RUNX3: variants seen among roughly 807,000 people sequenced by gnomAD.
RUNX3 encodes the protein RUNX family transcription factor 3, also known as runt-related transcription factor 3.
Under a neutral mutation model 27.7 loss-of-function variants are expected in RUNX3, and 10 were observed. The ratio of observed to expected loss-of-function variants is 0.36; its 90% CI spans 0.22 to 0.61. RUNX3 has a LOEUF of 0.61. Ranked by LOEUF, RUNX3 falls within the 20% of genes least tolerant of loss-of-function variation. RUNX3 has a pLI of 0.72. For synonymous variants in RUNX3, 270 were observed against 269.2 expected (o/e 1.00, Z -0.03); for missense variants, 469 against 629.5 (o/e 0.75, Z 2.73).
chr1:24,937,319 A>G (rs1342887532), intron 2 of RUNX3, among the ~76,000 whole-genome samples: 1 of 152,238 alleles, frequency 6.6e-6, no homozygotes, highest in Non-Finnish European at 1.5e-5. Flanking sequence ...TACTTGCTCA[A>G]CAAAGGTCCT....
chr1:24,946,511 G>C (rs546425590), intron 2 of RUNX3, among the ~76,000 whole-genome samples: 3 of 152,040 alleles, frequency 2.0e-5, no homozygotes, highest in African/African-American at 7.2e-5. Flanking sequence ...AAGCCTCCCT[G>C]ATGGCAGGGG....
At chr1:24,963,275 T>A (rs1054080943) in intron 2 of RUNX3, among the ~76,000 whole-genome samples, 2 of 152,120 alleles carry the variant, frequency 1.3e-5, no homozygotes, top group African/African-American at 4.8e-5. Context: ...TGTGTCTGGG[T>A]CCCTGCCCCG....
intron 2 of RUNX3, among the ~76,000 whole-genome samples, chr1:24,936,254 C>T (rs1427174107): frequency 2.0e-5 from 3 of 152,150 alleles, no homozygotes; most frequent in East Asian, 1.9e-4. Context: ...TAGGGAGTAG[C>T]GACAGTTATC....
chr1:24,958,734 C>T (rs970101578), intron 2 of RUNX3, among the ~76,000 whole-genome samples: 8 of 152,152 alleles, frequency 5.3e-5, no homozygotes, highest in Non-Finnish European at 1.5e-5. Context: ...GGGAACTACT[C>T]GCTGAGTCTC....
intron 2 of RUNX3, among the ~76,000 whole-genome samples, chr1:24,939,113 A>G (rs967668266): frequency 6.6e-6 from 1 of 152,154 alleles, no homozygotes; most frequent in African/African-American, 2.4e-5. Flanking sequence ...TGAGGAGGAA[A>G]GACCAGACTC....
At chr1:24,934,304 T>C (rs1426904418), upstream of RUNX3, among the ~76,000 whole-genome samples, 2 of 152,226 alleles carry the variant, frequency 1.3e-5, no homozygotes, top group East Asian at 3.8e-4. Flanking sequence ...TCATCTATCC[T>C]GGGCAGCCTC....
Position 24,927,820 on chromosome 1 carries a change from C to T in RUNX3, c.283-90G>A. 1 of 1,166,220 alleles carries T rather than the reference C, an allele frequency of 8.6e-7. No individual in the cohort carries two copies. Among genetic ancestry groups the T allele is most frequent in the Non-Finnish European group, 1.3e-6 (1 of 781,314 alleles). The allele number at this position is 1,166,220 out of a possible 1,614,324, so 72.2% of individuals were successfully genotyped here. On this transcript the variant is annotated intron_variant, in intron 1 of 4. Coordinates refer to ENST00000308873, the MANE Select transcript of RUNX3 (RefSeq NM_004350.3). This position sits in a 1 kb window ranked among gnomAD's most constrained non-coding sequence, Gnocchi z 5.0. ...GGAGGGGAGGGGCTGGGCTGGGCAG[C>T]TCCCCCAGGTCCCAGGCACACTGAG...
intron 4 of RUNX3, among the ~76,000 whole-genome samples, chr1:24,903,023 C>T (rs530331594): frequency 3.9e-5 from 6 of 152,224 alleles, no homozygotes; most frequent in African/African-American, 1.4e-4. Flanking sequence ...TCAGCTCAGG[C>T]CTCCCAGCAG....
intron 2 of RUNX3, among the ~76,000 whole-genome samples, chr1:24,953,104 A>C (rs1641808923): frequency 6.6e-6 from 1 of 152,134 alleles, no homozygotes; most frequent in Admixed American, 6.5e-5. Flanking sequence ...CGGTGGCTCA[A>C]GCCTGCAATC....
intron 2 of RUNX3, among the ~76,000 whole-genome samples, chr1:24,960,285 C>G (rs892739001): frequency 1.3e-5 from 2 of 152,222 alleles, no homozygotes; most frequent in Non-Finnish European, 2.9e-5. Context: ...CTGTGCCAGG[C>G]ATCATGCTCC....
chr1:24,946,962 G>GAA (rs1355161575), intron 2 of RUNX3, among the ~76,000 whole-genome samples: 1 of 152,204 alleles, frequency 6.6e-6, no homozygotes, highest in African/African-American at 2.4e-5. Context: ...CAGATGCTTA[G>GAA]TTCCAACCAA....
chr1:24,929,656 G>T lies in RUNX3; in HGVS notation c.213C>A (p.Ser71Arg). Residue 71 changes from serine to arginine, a missense_variant, in exon 1 of 5, where the codon AGC (serine) becomes AGA (arginine). Transcript: ENST00000308873. Reference sequence around the variant, plus strand: ...GCAGCACGGAGCAGAGGAAGTTGGGGCTGTCGGTGCGCACGAGCTCGCCTG... The same window carrying T: ...GCAGCACGGAGCAGAGGAAGTTGGGTCTGTCGGTGCGCACGAGCTCGCCTG... ...DHAGELVRTD[S>R]PNFLCSVLPS... 1 of 1,603,740 alleles carries T rather than the reference G, an allele frequency of 6.2e-7. No homozygotes were observed.
chr1:24,958,083 C>T (rs944699744), intron 2 of RUNX3, among the ~76,000 whole-genome samples: 1 of 152,156 alleles, frequency 6.6e-6, no homozygotes, highest in Non-Finnish European at 1.5e-5. Context: ...CAGGGGATCA[C>T]GCTGGCGCAG....
chr1:24,921,004 G>A (rs1237854828), intron 2 of RUNX3, among the ~76,000 whole-genome samples: 2 of 152,076 alleles, frequency 1.3e-5, no homozygotes, highest in Non-Finnish European at 2.9e-5. Flanking sequence ...CCTGCCTCTG[G>A]ATCCCACGTA....
At chr1:24,946,940 T>C (rs1641623246) in intron 2 of RUNX3, among the ~76,000 whole-genome samples, 1 of 152,248 alleles carries the variant, frequency 6.6e-6, no homozygotes, top group Admixed American at 6.5e-5. Context: ...CTCCACGTTA[T>C]GGTCTAAGGC....
intron 2 of RUNX3, among the ~76,000 whole-genome samples, chr1:24,954,384 A>G (rs979897411): frequency 6.6e-6 from 1 of 152,184 alleles, no homozygotes; most frequent in African/African-American, 2.4e-5. Context: ...TTCACTTATT[A>G]TTATTTTAAC....
rs1272281337 is a variant in RUNX3 at position 24,901,991 on chromosome 1, GGACCACCCTGGGACCGA to G, written c.*114_*130del. ...TGCAGCCAGAGGCTCCCACCAGCTG[GGACCACCCTGGGACCGA>G]GACCACCCTGGAGCGCAGGTCCCAT... On this transcript the variant is annotated 3_prime_UTR_variant, in exon 5 of 5. Coordinates refer to ENST00000308873, the MANE Select transcript of RUNX3 (RefSeq NM_004350.3). 1 of 844,996 alleles carries G rather than the reference GGACCACCCTGGGACCGA, an allele frequency of 1.2e-6. No homozygotes were observed. The highest frequency in any genetic ancestry group is 2.9e-5 in the Admixed American group (1 of 34,238). 52.3% of individuals were successfully genotyped at this position (844,996 alleles called of 1,614,324 possible). A position where few individuals can be genotyped will look rare whatever the true frequency, so the allele number is the denominator to read the frequency against.
At chr1:24,918,701 A>G (rs1255789270) in intron 3 of RUNX3, among the ~76,000 whole-genome samples, 3 of 152,072 alleles carry the variant, frequency 2.0e-5, no homozygotes, top group Non-Finnish European at 2.9e-5. Context: ...ATTAAACACA[A>G]ACTCGCTTTG....
At chr1:24,921,115 G>A (rs529576231) in intron 2 of RUNX3, among the ~76,000 whole-genome samples, 14 of 152,292 alleles carry the variant, frequency 9.2e-5, no homozygotes, top group Admixed American at 2.0e-4. Flanking sequence ...CTGCCCAAGC[G>A]CATCCCTCTG....
Sources: gnomAD v4.1 joint callset for allele counts (sites outside exome capture counted in the v4.1 genomes callset) on GRCh38, gnomAD v4.1.1 for gene constraint, Gnocchi (gnomAD v3.1) non-coding constraint, MANE v1.5 for transcripts, NCBI Gene and HGNC (gene_info 2026-07-23, HGNC 2026-07-21) for gene names.